Variants in MRTFA observed in about 807,000 individuals in gnomAD.
The protein encoded by MRTFA is myocardin-related transcription factor A.
A neutral mutation model predicts 83.5 loss-of-function variants in MRTFA; 20 were observed. That is an observed-to-expected ratio of 0.24 (90% CI 0.17 to 0.35). MRTFA has a LOEUF of 0.35. Ranked by LOEUF, MRTFA falls within the 10% of genes least tolerant of loss-of-function variation. The pLI, the probability that MRTFA is intolerant of heterozygous loss-of-function variation, is 1.00. For synonymous variants in MRTFA, 659 were observed against 541.2 expected, an observed-to-expected ratio of 1.22 and a Z score of -3.02; for missense variants, 1,200 against 1,224.7, an observed-to-expected ratio of 0.98 and a Z score of 0.30.
intron 9 of MRTFA, 124 bp downstream of exon 9, chr22:40,423,412 C>T (rs2052883715): frequency 1.1e-6 from 1 of 916,674 alleles, no homozygotes; most frequent in African/African-American, 1.7e-5. Flanking sequence ...GAAGAAACTC[C>T]CAGACCAATG....
chr22:40,482,179 C>T (rs935279430), intron 3 of MRTFA, among the ~76,000 whole-genome samples: 3 of 152,048 alleles, frequency 2.0e-5, no homozygotes, highest in Non-Finnish European at 4.4e-5. Flanking sequence ...GAGATATGTA[C>T]TATCTCATAG....
chr22:40,410,783 C>T lies in MRTFA; in HGVS notation c.*607G>A. ...TTGCACCCATCTCCTGTCCGCCCCC[C>T]CCCAAAAATATATATGTATGTCGAT... On this transcript the variant is annotated 3_prime_UTR_variant, in exon 15 of 15. Transcript: ENST00000355630. 4.3e-6 allele frequency: 1 copy of T among 232,982 alleles called. No homozygotes were observed. Among genetic ancestry groups the T allele is most frequent in the East Asian group, 6.0e-5 (1 of 16,560 alleles). The allele number at this position is 232,982 out of a possible 1,614,324, so 14.4% of individuals were successfully genotyped here.
At chr22:40,547,418 C>T (rs1171858388) in intron 3 of MRTFA, among the ~76,000 whole-genome samples, 1 of 151,952 alleles carries the variant, frequency 6.6e-6, no homozygotes, top group Non-Finnish European at 1.5e-5. Flanking sequence ...GGGAAGGCCT[C>T]CCTGAGGAAA....
chr22:40,481,124 T>C (rs2054084100), intron 3 of MRTFA, among the ~76,000 whole-genome samples: 1 of 151,790 alleles, frequency 6.6e-6, no homozygotes, highest in African/African-American at 2.4e-5. Flanking sequence ...TAACAACAAA[T>C]ACTAAATAAA....
At chr22:40,518,998 T>C (rs146669243) in intron 3 of MRTFA, among the ~76,000 whole-genome samples, 1 of 150,946 alleles carries the variant, frequency 6.6e-6, no homozygotes, top group African/African-American at 2.4e-5. Context: ...GTGGTGGTGG[T>C]GGTGGTTTTG....
chr22:40,607,270 C>G (rs1011256463), intron 1 of MRTFA, among the ~76,000 whole-genome samples: 5 of 152,040 alleles, frequency 3.3e-5, no homozygotes, highest in African/African-American at 1.2e-4. Context: ...TCTGGGAGGC[C>G]GAGGAGTGCA....
intron 2 of MRTFA, among the ~76,000 whole-genome samples, chr22:40,593,434 T>C (rs757592245): frequency 6.6e-5 from 10 of 152,194 alleles, no homozygotes; most frequent in Non-Finnish European, 1.3e-4. Flanking sequence ...GGTACCTTTC[T>C]TTACTTTCCA....
intron 4 of MRTFA, 100 bp downstream of exon 4, chr22:40,463,121 T>G: frequency 2.0e-6 from 2 of 1,009,028 alleles, no homozygotes; most frequent in Non-Finnish European, 3.1e-6. Flanking sequence ...ATAAAACGCA[T>G]CATCCTTGTT....
intron 3 of MRTFA, among the ~76,000 whole-genome samples, chr22:40,507,301 C>T (rs1378509296): frequency 1.3e-5 from 2 of 151,954 alleles, no homozygotes; most frequent in Non-Finnish European, 2.9e-5. Context: ...TTCGAGGCTG[C>T]AGTGAGCAGT....
intron 2 of MRTFA, among the ~76,000 whole-genome samples, chr22:40,586,278 A>AG (rs1317475280): frequency 2.0e-5 from 3 of 152,126 alleles, no homozygotes; most frequent in African/African-American, 7.2e-5. Context: ...AAAAAAAAAA[A>AG]AAGAAGGAAA....
At chr22:40,429,240 A>G (rs1416235780) in intron 7 of MRTFA, 6 of 595,434 alleles carry the variant, frequency 1.0e-5, no homozygotes, top group South Asian at 2.1e-5. Context: ...CTTCACTAAT[A>G]AAGAGTATGA....
At chr22:40,457,502 G>GAAAGAGAA (rs2053617387) in intron 4 of MRTFA, among the ~76,000 whole-genome samples, 1 of 143,636 alleles carries the variant, frequency 7.0e-6, no homozygotes, top group African/African-American at 2.5e-5. Context: ...AAGAAAGAAA[G>GAAAGAGAA]AGAAAGAAAG....
rs2052515952 is a variant in MRTFA, at chr22:40,411,088, C to CA, written c.*301dup. ...CTACCTTAGCCAAATTGTAGCCAGACAGACAGTGCCCCCTGACCTCAAAAA... is the reference window on the plus strand; with the variant it reads ...CTACCTTAGCCAAATTGTAGCCAGACAAGACAGTGCCCCCTGACCTCAAAAA... On this transcript the variant is annotated 3_prime_UTR_variant, in exon 15 of 15. Coordinates refer to ENST00000355630, the MANE Select transcript of MRTFA (RefSeq NM_020831.6). The CA allele has an allele frequency of 6.6e-6, 2 of 304,386 alleles. No individual in the cohort carries two copies. The highest frequency in any genetic ancestry group is 3.0e-4 in the South Asian group (2 of 6,766). The allele number at this position is 304,386 out of a possible 1,614,324, so 18.9% of individuals were successfully genotyped here. A position where few individuals can be genotyped will look rare whatever the true frequency, so the allele number is the denominator to read the frequency against.
chr22:40,589,976 C>A (rs1225419303), intron 2 of MRTFA, among the ~76,000 whole-genome samples: 5 of 149,616 alleles, frequency 3.3e-5, no homozygotes, highest in Admixed American at 6.7e-5. Flanking sequence ...GAGCTGAGAT[C>A]GTACCACTGC....
chr22:40,614,012 C>G (rs879787114), intron 1 of MRTFA, among the ~76,000 whole-genome samples: 9 of 151,810 alleles, frequency 5.9e-5, no homozygotes, highest in Non-Finnish European at 1.0e-4. Context: ...CCAGCCTGAC[C>G]AACATGGAGA....
chr22:40,489,736 T>C (rs1179363183), intron 3 of MRTFA, among the ~76,000 whole-genome samples: 2 of 152,104 alleles, frequency 1.3e-5, no homozygotes, highest in East Asian at 1.9e-4. Flanking sequence ...CCCAGCACTC[T>C]GGGAAGCCAA....
At chr22:40,544,266 G>A (rs373298902) in intron 3 of MRTFA, among the ~76,000 whole-genome samples, 1 of 152,166 alleles carries the variant, frequency 6.6e-6, no homozygotes, top group African/African-American at 2.4e-5. Flanking sequence ...ATGGGGTCTT[G>A]CTCTGTCACC....
At chr22:40,526,685 G>A (rs2054979974) in intron 3 of MRTFA, 1 of 152,174 alleles carries the variant, frequency 6.6e-6, no homozygotes, top group African/African-American at 2.4e-5. Context: ...TCAAAAAGCT[G>A]AATTAAACAC....
Position 40,552,133 on chromosome 22 carries a change from A to T in MRTFA, c.214T>A (p.Leu72Met), listed in dbSNP as rs2055451860. ...TTCTTCCGCTCACTAAGTGGAGGCA[A>T]ATTGGGATTCCTGCCAGGGTGGAGG... The change falls in exon 3 of 15, where the codon TTG becomes ATG. Residue 72 changes from leucine to methionine, a missense_variant. Physicochemically the swap from Leu to Met is conservative, Grantham distance 15. Around this residue, in one of 2 missense-constraint regions of MRTFA, gnomAD observed 93 missense variants for 182.9 expected, o/e 0.51. Coordinates refer to ENST00000355630, the MANE Select transcript of MRTFA (RefSeq NM_020831.6). 1 of 398,890 alleles carries T rather than the reference A, an allele frequency of 2.5e-6. No homozygotes were observed. The highest frequency in any genetic ancestry group is 3.6e-5 in the East Asian group (1 of 28,062). The allele number at this position is 398,890 out of a possible 1,614,324, so 24.7% of individuals were successfully genotyped here. A position where few individuals can be genotyped will look rare whatever the true frequency, so the allele number is the denominator to read the frequency against.
Sources: gnomAD v4.1 joint callset for allele counts (sites outside exome capture counted in the v4.1 genomes callset) on GRCh38, gnomAD v4.1.1 for gene constraint, gnomAD v4.1.1 regional missense constraint, MANE v1.5 for transcripts, NCBI Gene and HGNC (gene_info 2026-07-23, HGNC 2026-07-21) for gene names.